The following POM121C variants were observed in gnomAD, a reference collection of about 807,000 sequenced individuals.
POM121C encodes nuclear envelope pore membrane protein POM 121C.
Under a neutral mutation model 66.4 loss-of-function variants are expected in POM121C, and 20 were observed. The ratio of observed to expected loss-of-function variants is 0.30; its 90% confidence interval spans 0.21 to 0.44. POM121C has a LOEUF of 0.44. Ranked by LOEUF, POM121C falls within the 20% of genes least tolerant of loss-of-function variation. The probability of loss-of-function intolerance (pLI) is 1.00; values close to 1 mark genes in which losing one functional copy is unlikely to be tolerated. For missense variants in POM121C, 580 were observed against 1,225.7 expected (o/e 0.47, Z 7.87); for synonymous variants, 286 against 528.0 (o/e 0.54, Z 6.28).
intron 3 of POM121C, among the ~76,000 whole-genome samples, chr7:75,468,271 G>A (rs142893216): frequency 0.047 from 6,771 of 143,436 alleles, 166 homozygotes; most frequent in Non-Finnish European, 0.065. Context: ...ATCTCATCCC[G>A]TTTCTTAAGT....
chr7:75,477,437 C>G (rs1554479558), intron 1 of POM121C, among the ~76,000 whole-genome samples: 2 of 151,878 alleles, frequency 1.3e-5, no homozygotes, highest in African/African-American at 4.9e-5. Flanking sequence ...CCAAAAACAA[C>G]AACAAAATTA....
intron 7 of POM121C, among the ~76,000 whole-genome samples, chr7:75,427,703 G>A (rs1490284698): frequency 1.3e-5 from 2 of 152,100 alleles, no homozygotes; most frequent in Non-Finnish European, 1.5e-5. Context: ...ACCTCAGACC[G>A]TCTTTCCTAC....
chr7:75,477,891 CA>C (rs1324765602), intron 1 of POM121C, among the ~76,000 whole-genome samples: 4 of 152,166 alleles, frequency 2.6e-5, no homozygotes, highest in Admixed American at 1.3e-4. Context: ...CACCAAAGAA[CA>C]ACAAAATCAA....
At chr7:75,446,826 G>A (rs1790826030) in intron 3 of POM121C, among the ~76,000 whole-genome samples, 1 of 151,046 alleles carries the variant, frequency 6.6e-6, no homozygotes, top group African/African-American at 2.4e-5. Flanking sequence ...TGGCTACCAC[G>A]GTGAAACGCC....
rs782573026 is a variant in POM121C, at chr7:75,439,196, A to T, written c.256T>A (p.Ser86Thr). 21 of 1,614,136 alleles carry T rather than the reference A, an allele frequency of 1.3e-5. No homozygotes were observed. The highest frequency in any genetic ancestry group is 1.7e-5 in the Admixed American group (1 of 60,012). Residue 86 changes from serine (S) to threonine (T), a missense_variant, in exon 6 of 15, where the codon TCA becomes ACA. Ser to Thr is a moderately conservative substitution (Grantham distance 58). Transcript: ENST00000615331. ...RRHDSSGSGH[S>T]AFEPLVASGV... Reference sequence around the variant, plus strand: ...CTGGCCACCAGGGGCTCAAATGCTGAATGTCCACTGCCACTGCTATCATGG... The same window carrying T: ...CTGGCCACCAGGGGCTCAAATGCTGTATGTCCACTGCCACTGCTATCATGG...
At chr7:75,437,414 A>G in intron 7 of POM121C, 101 bp downstream of exon 7, 2 of 1,462,820 alleles carry the variant, frequency 1.4e-6, no homozygotes, top group South Asian at 1.5e-5. Flanking sequence ...TTGGCCTTCC[A>G]AAGTGCTGGG....
intron 1 of POM121C, among the ~76,000 whole-genome samples, chr7:75,484,838 G>A (rs1278886831): frequency 1.3e-5 from 2 of 151,768 alleles, no homozygotes; most frequent in Non-Finnish European, 1.5e-5. Flanking sequence ...CCCATTATAC[G>A]GCTCATGTTT....
At chr7:75,483,918 T>C (rs1413143545) in intron 1 of POM121C, among the ~76,000 whole-genome samples, 7 of 151,936 alleles carry the variant, frequency 4.6e-5, no homozygotes, top group African/African-American at 1.2e-4. Context: ...CTGGCCAACA[T>C]AGTGAAACCC....
intron 7 of POM121C, among the ~76,000 whole-genome samples, chr7:75,433,234 CAA>C (rs782004307): frequency 0.011 from 483 of 44,180 alleles, 3 homozygotes; most frequent in African/African-American, 0.032. Context: ...GACTCTGTCT[CAA>C]AAAAAAAAAA....
intron 1 of POM121C, among the ~76,000 whole-genome samples, chr7:75,485,374 G>A (rs1792484430): frequency 1.3e-5 from 2 of 152,098 alleles, no homozygotes; most frequent in African/African-American, 4.8e-5. Flanking sequence ...ACTATGAGCA[G>A]CTCTACCCAC....
At chr7:75,461,288 T>C (rs1244073318) in intron 3 of POM121C, among the ~76,000 whole-genome samples, 1 of 151,842 alleles carries the variant, frequency 6.6e-6, no homozygotes, top group Non-Finnish European at 1.5e-5. Flanking sequence ...CAGCAAACAA[T>C]ACAATAACTG....
rs782033622 is a variant in POM121C at position 75,422,038 on chromosome 7, C to T, written c.2214G>A (p.Pro738=). ...CAGGTGTGGGTGCAGTAGCCGGGGC[C>T]GGGGCTGCAGAGTTTCCAAAAGTGA... ...SSFTFGNSAA[P]APATAPTPAP... The change falls in exon 13 of 15, where the codon CCG becomes CCA. Residue 738 remains proline (P), a synonymous_variant. Coordinates refer to ENST00000615331, the MANE Select transcript of POM121C (RefSeq NM_001099415.3). 43 of 1,612,666 alleles carry T rather than the reference C, an allele frequency of 2.7e-5. 2 individuals carry two copies. The highest frequency in any genetic ancestry group is 2.0e-4 in the East Asian group (9 of 44,874).
At chr7:75,462,697 C>CA (rs1438687503) in intron 3 of POM121C, among the ~76,000 whole-genome samples, 1 of 151,804 alleles carries the variant, frequency 6.6e-6, no homozygotes, top group Non-Finnish European at 1.5e-5. Context: ...ACCCAGAACT[C>CA]ACACAGGGCA....
chr7:75,422,007 C>T lies in POM121C; in HGVS notation c.2245G>A (p.Ala749Thr), dbSNP rs2429591. Residue 749 changes from alanine (A) to threonine (T), a missense_variant, in exon 13 of 15, where the codon GCG becomes ACG. By Grantham distance (58) the Ala-to-Thr change is moderately conservative. Transcript: ENST00000615331. ...GCAGGCACGATCTTGATCGTGGACG[C>T]AGGTGCAGGTGTGGGTGCAGTAGCC... ...APATAPTPAPASTIKIVPAHV... is the reference protein window; with the variant it reads ...APATAPTPAPTSTIKIVPAHV... 1 of 1,604,586 alleles carries T rather than the reference C, an allele frequency of 6.2e-7. No homozygotes were observed. Among genetic ancestry groups the T allele is most frequent in the South Asian group, 1.1e-5 (1 of 90,844 alleles).
rs782495998 is a variant in POM121C, at chr7:75,422,155, C to A, written c.2097G>T (p.Pro699=). The part of the protein sequence containing the change: ...SSAKSPLPSY[P]GANPQPAFGA... ...CAAATGCGGGCTGGGGGTTGGCTCC[C>A]GGATATGATGGGAGCGGGGACTTGG... Residue 699 remains proline, a synonymous_variant, in exon 13 of 15, where the codon CCG becomes CCT. Coordinates refer to ENST00000615331, the MANE Select transcript of POM121C (RefSeq NM_001099415.3). The A allele has an allele frequency of 6.2e-7, 1 of 1,601,510 alleles. No individual in the cohort carries two copies. The highest frequency in any genetic ancestry group is 1.3e-5 in the African/African-American group (1 of 74,702).
At chr7:75,480,001 A>G (rs1416261488) in intron 1 of POM121C, among the ~76,000 whole-genome samples, 4 of 150,866 alleles carry the variant, frequency 2.7e-5, no homozygotes, top group African/African-American at 7.3e-5. Context: ...AAGCAAAGAC[A>G]ACGGACTATA....
intron 3 of POM121C, among the ~76,000 whole-genome samples, chr7:75,458,674 C>G (rs1374247517): frequency 6.6e-6 from 1 of 152,216 alleles, no homozygotes; most frequent in Non-Finnish European, 1.5e-5. Context: ...TGAATCTAAA[C>G]AGGTTGAGTG....
chr7:75,486,086 C>G lies in POM121C; in HGVS notation c.-680G>C, dbSNP rs1408708230. 13 of 381,138 alleles carry G rather than the reference C, an allele frequency of 3.4e-5. No homozygotes were observed. The highest frequency in any genetic ancestry group is 6.6e-5 in the Non-Finnish European group (13 of 197,702). 23.6% of individuals were successfully genotyped at this position (381,138 alleles called of 1,614,324 possible). A position where few individuals can be genotyped will look rare whatever the true frequency, so the allele number is the denominator to read the frequency against. ...GGGCTCCCGGCCCCTCTGGCCCCAGCGCCGCCGGCTCCGGGGTTCACGCTC... is the reference window on the plus strand; with the variant it reads ...GGGCTCCCGGCCCCTCTGGCCCCAGGGCCGCCGGCTCCGGGGTTCACGCTC... On this transcript the variant is annotated 5_prime_UTR_variant, in exon 1 of 15. Transcript: ENST00000615331.
intron 7 of POM121C, among the ~76,000 whole-genome samples, chr7:75,432,425 C>T (rs1172527597): frequency 6.6e-6 from 1 of 152,134 alleles, no homozygotes. Flanking sequence ...AATGTGGACA[C>T]ATCTCACAAG....
Sources: allele counts gnomAD v4.1 joint callset (sites outside exome capture counted in the v4.1 genomes callset), GRCh38; gene constraint gnomAD v4.1.1; transcripts MANE v1.5; gene names NCBI Gene and HGNC (gene_info 2026-07-23, HGNC 2026-07-21).